BACH2: variants seen among roughly 807,000 people sequenced by gnomAD.
BACH2 encodes the protein transcription regulator protein BACH2.
Under a neutral mutation model 61.8 loss-of-function variants are expected in BACH2, and 5 were observed. That is an observed-to-expected ratio of 0.08 (90% CI 0.04 to 0.17). The LOEUF (loss-of-function observed/expected upper bound fraction) is 0.17. Ranked by LOEUF, BACH2 falls within the 10% of genes least tolerant of loss-of-function variation. The pLI, the probability that BACH2 is intolerant of heterozygous loss-of-function variation, is 1.00. For missense variants in BACH2, 824 were observed against 1,091.1 expected, an observed-to-expected ratio of 0.76 and a Z score of 3.45; for synonymous variants, 446 against 440.1, an observed-to-expected ratio of 1.01 and a Z score of -0.17.
At chr6:90,062,914 G>T in intron 5 of BACH2, 1 of 985,198 alleles carries the variant, frequency 1.0e-6, no homozygotes, top group African/African-American at 1.7e-5. Flanking sequence ...ACACATTCCA[G>T]TTCCTGCTGA....
chr6:90,120,373 C>G (rs1467590195), intron 4 of BACH2, among the ~76,000 whole-genome samples: 1 of 152,116 alleles, frequency 6.6e-6, no homozygotes, highest in Non-Finnish European at 1.5e-5. Context: ...ATGTGTTAAA[C>G]AAATTTGAAA....
At chr6:90,082,996 T>C (rs1781785386) in intron 5 of BACH2, among the ~76,000 whole-genome samples, 1 of 152,156 alleles carries the variant, frequency 6.6e-6, no homozygotes, top group Non-Finnish European at 1.5e-5. Flanking sequence ...GCTTTGTAAA[T>C]ACTGTTCTGG....
At chr6:90,079,093 T>G (rs1160448024) in intron 5 of BACH2, among the ~76,000 whole-genome samples, 1 of 152,188 alleles carries the variant, frequency 6.6e-6, no homozygotes, top group African/African-American at 2.4e-5. Flanking sequence ...AATTTCCCTG[T>G]GAATGCTGGC....
intron 7 of BACH2, among the ~76,000 whole-genome samples, chr6:89,949,329 A>G (rs1773932557): frequency 6.6e-6 from 1 of 152,114 alleles, no homozygotes; most frequent in Non-Finnish European, 1.5e-5. Context: ...CACAGGTAGC[A>G]GTCTCAAGCT....
intron 5 of BACH2, among the ~76,000 whole-genome samples, chr6:90,058,025 G>A (rs1027421248): frequency 4.2e-4 from 64 of 152,166 alleles, no homozygotes; most frequent in African/African-American, 1.5e-3. Flanking sequence ...CATACTGAAT[G>A]GGCAAAAACT....
chr6:90,109,720 G>C (rs763513775), intron 4 of BACH2, among the ~76,000 whole-genome samples: 31 of 152,074 alleles, frequency 2.0e-4, no homozygotes, highest in Non-Finnish European at 4.0e-4. Context: ...ACAAATATCT[G>C]AAGATGAATC....
At chr6:90,295,695 CTTCATGGA>C in intron 1 of BACH2, among the ~76,000 whole-genome samples, 1 of 149,914 alleles carries the variant, frequency 6.7e-6, no homozygotes, top group African/African-American at 2.5e-5. Flanking sequence ...TGCACCTTGA[CTTCATGGA>C]GGATCTGTGG....
intron 4 of BACH2, among the ~76,000 whole-genome samples, chr6:90,200,326 T>C (rs1182147060): frequency 3.3e-5 from 5 of 152,278 alleles, no homozygotes; most frequent in Admixed American, 3.3e-4. Flanking sequence ...GGCAGTGTCT[T>C]TGAACACGTA....
At chr6:89,968,844 C>T (rs1775190660) in intron 6 of BACH2, among the ~76,000 whole-genome samples, 3 of 152,180 alleles carry the variant, frequency 2.0e-5, no homozygotes, top group African/African-American at 4.8e-5. Context: ...AATCCCATCT[C>T]TACTAGAAAT....
intron 1 of BACH2, among the ~76,000 whole-genome samples, chr6:90,283,233 T>C (rs1248387158): frequency 1.3e-5 from 2 of 152,226 alleles, no homozygotes; most frequent in Non-Finnish European, 2.9e-5. Flanking sequence ...TTGATTCACA[T>C]GTGTGCTGAA....
intron 4 of BACH2, among the ~76,000 whole-genome samples, chr6:90,159,043 C>T (rs1043983429): frequency 2.0e-5 from 3 of 152,050 alleles, no homozygotes. Context: ...TTTCTTTTAC[C>T]ACATGGATGG....
chr6:89,935,203 C>T (rs910559047), intron 8 of BACH2, among the ~76,000 whole-genome samples: 1 of 152,110 alleles, frequency 6.6e-6, no homozygotes, highest in Non-Finnish European at 1.5e-5. Context: ...AGCGCCATCC[C>T]TGTCAGGACA....
chr6:90,101,658 T>C (rs1782633020), intron 4 of BACH2, among the ~76,000 whole-genome samples: 1 of 152,240 alleles, frequency 6.6e-6, no homozygotes, highest in Admixed American at 6.5e-5. Context: ...TCTGGGTCCC[T>C]TGCATTTCCA....
At chr6:90,063,983 A>T (rs1780818594) in intron 5 of BACH2, among the ~76,000 whole-genome samples, 1 of 152,186 alleles carries the variant, frequency 6.6e-6, no homozygotes, top group African/African-American at 2.4e-5. Context: ...AAATATGGCA[A>T]ATGAAAGAGT....
chr6:90,213,936 T>A (rs1216835723), intron 3 of BACH2, among the ~76,000 whole-genome samples: 2 of 152,184 alleles, frequency 1.3e-5, no homozygotes, highest in East Asian at 3.9e-4. Context: ...AAATTAAACT[T>A]TATAGAAGTC....
intron 5 of BACH2, among the ~76,000 whole-genome samples, chr6:90,047,594 A>G (rs542945574): frequency 1.3e-5 from 2 of 152,144 alleles, no homozygotes; most frequent in Non-Finnish European, 2.9e-5. Context: ...GAGTGTCCGC[A>G]GTTTTTGAAA....
At chr6:89,987,433 T>TGCCCC (rs1482179110) in intron 6 of BACH2, among the ~76,000 whole-genome samples, 1 of 152,180 alleles carries the variant, frequency 6.6e-6, no homozygotes, top group Non-Finnish European at 1.5e-5. Context: ...ACTGAGTCCA[T>TGCCCC]GCCCCAGGTG....
intron 6 of BACH2, among the ~76,000 whole-genome samples, chr6:89,989,627 C>T (rs1485523046): frequency 6.6e-6 from 1 of 152,152 alleles, no homozygotes; most frequent in Admixed American, 6.5e-5. Context: ...GGGCTCAAGG[C>T]TCATCACCTC....
At chr6:90,199,072 CTG>C (rs1345330471) in intron 4 of BACH2, among the ~76,000 whole-genome samples, 1 of 152,184 alleles carries the variant, frequency 6.6e-6, no homozygotes, top group African/African-American at 2.4e-5. Context: ...TCCGATGTAA[CTG>C]TGAGTCCATT....
Sources: gnomAD v4.1 joint callset for allele counts (sites outside exome capture counted in the v4.1 genomes callset) on GRCh38, gnomAD v4.1.1 for gene constraint, MANE v1.5 for transcripts, NCBI Gene and HGNC (gene_info 2026-07-23, HGNC 2026-07-21) for gene names.